The following RGS6 variants were observed in gnomAD, a reference collection of about 807,000 sequenced individuals.
The protein encoded by RGS6 is regulator of G-protein signaling 6.
Under a neutral mutation model 78.5 loss-of-function variants are expected in RGS6, and 30 were observed. That is an observed-to-expected ratio of 0.38 (90% CI 0.29 to 0.52). The LOEUF is 0.52. Among genes scored for constraint, RGS6 ranks in the 20% least tolerant of loss-of-function variants. The pLI, the probability that RGS6 is intolerant of heterozygous loss-of-function variation, is 0.85. For synonymous variants in RGS6, 206 were observed against 206.0 expected (o/e 1.00, Z 0.00); for missense variants, 495 against 609.7 (o/e 0.81, Z 1.98).
chr14:72,614,133 C>T, the RGS6 span, among the ~76,000 whole-genome samples: 7 of 152,192 alleles, frequency 4.6e-5, no homozygotes, highest in African/African-American at 1.7e-4. Context: ...GTGGCCGTGG[C>T]CTCTGGCAGA....
chr14:72,465,124 A>C (rs1440335288), intron 6 of RGS6, among the ~76,000 whole-genome samples: 1 of 152,220 alleles, frequency 6.6e-6, no homozygotes, highest in Non-Finnish European at 1.5e-5. Context: ...AATGAAGCTG[A>C]AAAGAGTTTG....
upstream of RGS6, among the ~76,000 whole-genome samples, chr14:71,930,127 A>G (rs1364220199): frequency 6.6e-6 from 1 of 151,888 alleles, no homozygotes; most frequent in African/African-American, 2.4e-5. Context: ...CCTAGGAAAT[A>G]TATCACCATA....
At chr14:72,049,916 C>CAAACA (rs145994179) in intron 2 of RGS6, among the ~76,000 whole-genome samples, 2,039 of 152,170 alleles carry the variant, frequency 0.013, 49 homozygotes, top group African/African-American at 0.046. Context: ...CAACCAAAAC[C>CAAACA]AAACAGTGAC....
downstream of RGS6, among the ~76,000 whole-genome samples, chr14:72,567,452 A>G (rs1599255765): frequency 6.6e-6 from 1 of 151,904 alleles, no homozygotes. Context: ...CTGTGCATGC[A>G]CTCTACCCTG....
In RGS6 at chr14:72,180,290, A is replaced by C. The variant is rs12588986; in HGVS notation, c.85-171805A>C. The stretch of plus-strand genomic sequence containing the variant: ...GCAAATAAAATCTTAGCCACCAGAA[A>C]TCTTGAGTTGGACTAGACAAAGGCA... On this transcript the variant is annotated intron_variant, in intron 2 of 17. Coordinates refer to ENST00000553525, the MANE Select transcript of RGS6 (RefSeq NM_001204424.2). 2.0e-3 allele frequency among the ~76,000 whole-genome samples: 311 copies of C among 152,356 alleles called. 7 individuals are homozygous for C. In the East Asian group the frequency reaches 0.051, roughly 25 times the overall value.
At chr14:72,319,560 C>T (rs1054827217) in intron 2 of RGS6, among the ~76,000 whole-genome samples, 5 of 151,872 alleles carry the variant, frequency 3.3e-5, no homozygotes, top group Non-Finnish European at 7.4e-5. Context: ...TTACTATGGT[C>T]TCGATCTCCT....
intron 3 of RGS6, among the ~76,000 whole-genome samples, chr14:72,390,129 G>A (rs963264411): frequency 7.6e-5 from 10 of 132,098 alleles, no homozygotes; most frequent in South Asian, 2.4e-4. Context: ...ACAGAGTCTC[G>A]CTCTGTCACC....
intron 6 of RGS6, among the ~76,000 whole-genome samples, chr14:72,465,324 G>A (rs1025684321): frequency 6.6e-6 from 1 of 152,162 alleles, no homozygotes; most frequent in Non-Finnish European, 1.5e-5. Context: ...AGTGTAGGAT[G>A]TTCAGGGTGA....
At chr14:72,217,122 T>C (rs186843984) in intron 2 of RGS6, among the ~76,000 whole-genome samples, 8 of 152,090 alleles carry the variant, frequency 5.3e-5, no homozygotes, top group African/African-American at 1.7e-4. Flanking sequence ...AAAGATAAGG[T>C]AAATCAAAGT....
intron 2 of RGS6, among the ~76,000 whole-genome samples, chr14:72,255,813 T>C (rs888225079): frequency 3.9e-5 from 6 of 152,252 alleles, no homozygotes; most frequent in African/African-American, 1.4e-4. Flanking sequence ...CACTTCTTAC[T>C]AAATAGAAGT....
chr14:72,122,743 T>TGG (rs2096082838), intron 2 of RGS6, among the ~76,000 whole-genome samples: 1 of 150,548 alleles, frequency 6.6e-6, no homozygotes, highest in Non-Finnish European at 1.5e-5. Flanking sequence ...AGTTATCGTT[T>TGG]TTTTTTTTTT....
At chr14:72,020,705 A>G (rs533488333) in intron 2 of RGS6, among the ~76,000 whole-genome samples, 3 of 152,366 alleles carry the variant, frequency 2.0e-5, no homozygotes, top group East Asian at 3.9e-4. Flanking sequence ...TTTAATAACA[A>G]TAACTAATGT....
At chr14:72,072,133 CTGT>C (rs1218874738) in intron 2 of RGS6, among the ~76,000 whole-genome samples, 5 of 152,210 alleles carry the variant, frequency 3.3e-5, no homozygotes, top group Admixed American at 2.6e-4. Flanking sequence ...CGGGCAGGTG[CTGT>C]TGTTAAGCCC....
intron 2 of RGS6, among the ~76,000 whole-genome samples, chr14:72,348,910 T>C (rs1343043704): frequency 6.6e-6 from 1 of 152,240 alleles, no homozygotes; most frequent in Non-Finnish European, 1.5e-5. Flanking sequence ...CTCACGCCTG[T>C]AATCCCAGCA....
At chr14:72,142,508 C>T (rs532299986) in intron 2 of RGS6, among the ~76,000 whole-genome samples, 7 of 152,296 alleles carry the variant, frequency 4.6e-5, no homozygotes, top group African/African-American at 1.7e-4. Context: ...GCCCTGAGAT[C>T]ATTTGCATCT....
chr14:72,503,361 A>G (rs923669301), intron 13 of RGS6, among the ~76,000 whole-genome samples: 3 of 152,222 alleles, frequency 2.0e-5, no homozygotes, highest in African/African-American at 4.8e-5. Context: ...ATTCCATCTC[A>G]GTAGTCCCCG....
At chr14:72,215,840 G>C (rs970138508) in intron 2 of RGS6, among the ~76,000 whole-genome samples, 3 of 152,160 alleles carry the variant, frequency 2.0e-5, no homozygotes, top group African/African-American at 7.2e-5. Flanking sequence ...CTTTATTATG[G>C]CTAGCAGATA....
chr14:71,991,064 G>T (rs868817930), intron 2 of RGS6: 1 of 349,650 alleles, frequency 2.9e-6, no homozygotes, highest in Non-Finnish European at 5.6e-6. Context: ...CTAGGATATT[G>T]TAAATGCTTG....
At chr14:72,294,400 G>A (rs1003218270) in intron 2 of RGS6, among the ~76,000 whole-genome samples, 1 of 152,196 alleles carries the variant, frequency 6.6e-6, no homozygotes, top group Non-Finnish European at 1.5e-5. Context: ...GAACCCCAAA[G>A]AAGGTGAGTT....
Sources: allele counts gnomAD v4.1 joint callset (sites outside exome capture counted in the v4.1 genomes callset), GRCh38; gene constraint gnomAD v4.1.1; transcripts MANE v1.5; gene names NCBI Gene and HGNC (gene_info 2026-07-23, HGNC 2026-07-21).